Variants in GFM1 observed in about 807,000 individuals in gnomAD.
GFM1 encodes the protein G elongation factor mitochondrial 1.
Under a neutral mutation model 96.2 loss-of-function variants are expected in GFM1, and 62 were observed. The ratio of observed to expected loss-of-function variants is 0.64; its 90% CI spans 0.53 to 0.80. GFM1 has a LOEUF of 0.80. Among genes scored for constraint, GFM1 ranks in the 30% least tolerant of loss-of-function variants. The pLI is 0.00. For missense variants in GFM1, 852 were observed against 916.6 expected (o/e 0.93, Z 0.91); for synonymous variants, 282 against 312.9 (o/e 0.90, Z 1.04).
At position 158,691,139 on chromosome 3, in the gene GFM1, G is replaced by A. The variant is rs1560147295; in HGVS notation, c.2071G>A (p.Val691Ile). 1 of 1,606,990 alleles carries A rather than the reference G, an allele frequency of 6.2e-7. No individual in the cohort carries two copies. The highest frequency in any genetic ancestry group is 1.7e-5 in the Admixed American group (1 of 59,980). The change falls in exon 17 of 18, where the codon GTC becomes ATC. Residue 691 changes from valine to isoleucine, a missense_variant and splice_region_variant. By Grantham distance (29) the Val-to-Ile change is conservative. Coordinates refer to ENST00000486715, the MANE Select transcript of GFM1 (RefSeq NM_024996.7). ...AAATATCTACTATGTTTGTTTTCAG[G>A]TCCCTCTAAATGATATGTTTGGTTA... ...VEDYFTLYADVPLNDMFGYST... is the reference protein window; with the variant it reads ...VEDYFTLYADIPLNDMFGYST...
intron 13 of GFM1, among the ~76,000 whole-genome samples, chr3:158,667,896 A>G (rs1421129083): frequency 6.6e-6 from 1 of 152,242 alleles, no homozygotes; most frequent in Non-Finnish European, 1.5e-5. Context: ...TGTACAGTAG[A>G]GGGAAAAAAC....
At chr3:158,650,294 C>T (rs2108012200) in intron 5 of GFM1, 1 of 509,912 alleles carries the variant, frequency 2.0e-6, no homozygotes. Flanking sequence ...GTCCCAGCCC[C>T]TAGAACAACT....
Position 158,691,610 on chromosome 3 carries a change from C to T in GFM1, c.*143C>T, listed in dbSNP as rs1726329198. 4 of 817,144 alleles carry T rather than the reference C, an allele frequency of 4.9e-6. No homozygotes were observed. The highest frequency in any genetic ancestry group is 3.5e-5 in the African/African-American group (2 of 57,460). 50.6% of individuals were successfully genotyped at this position (817,144 alleles called of 1,614,324 possible). On this transcript the variant is annotated 3_prime_UTR_variant, in exon 18 of 18. Coordinates refer to ENST00000486715, the MANE Select transcript of GFM1 (RefSeq NM_024996.7). ...GGCTCTTCTTTCTTCAAAAGAAGCC[C>T]TTCTTGTTCATATTCAGGAGCTTCT...
intron 13 of GFM1, among the ~76,000 whole-genome samples, chr3:158,670,490 G>A (rs1406344100): frequency 6.6e-6 from 1 of 152,164 alleles, no homozygotes; most frequent in Non-Finnish European, 1.5e-5. Flanking sequence ...GAAGTGTATA[G>A]TCTTTTTTTG....
chr3:158,654,227 T>TTG (rs1722548680), intron 7 of GFM1, among the ~76,000 whole-genome samples: 1 of 146,120 alleles, frequency 6.8e-6, no homozygotes, highest in African/African-American at 2.5e-5. Flanking sequence ...TTTTTTTTTT[T>TTG]TTGTTGAGAC....
intron 13 of GFM1, among the ~76,000 whole-genome samples, chr3:158,681,187 T>C (rs899996466): frequency 6.6e-6 from 1 of 152,184 alleles, no homozygotes; most frequent in East Asian, 1.9e-4. Context: ...CAGTCATTAA[T>C]GTCTATTTTC....
intron 8 of GFM1, 42 bp from the exon 9 acceptor site, chr3:158,658,880 T>G: frequency 6.2e-7 from 1 of 1,609,224 alleles, no homozygotes. Context: ...ATTATTATGT[T>G]TCTTTTTATT....
chr3:158,686,397 T>TTA, intron 15 of GFM1, among the ~76,000 whole-genome samples: 1 of 147,428 alleles, frequency 6.8e-6, no homozygotes. Flanking sequence ...ATTTTATATA[T>TTA]AAAAAAATAA....
chr3:158,692,616 A>G lies in GFM1; in HGVS notation c.*1149A>G, dbSNP rs1726401143. The G allele has an allele frequency of 6.6e-6, 1 of 152,090 alleles. No homozygotes were observed. The allele number at this position is 152,090 out of a possible 1,614,324, so 9.4% of individuals were successfully genotyped here. ...CTTATAGACGTGGCTTTATACTTTA[A>G]GGTTTCTAGGGGAAAAAGATCTTTA... is the stretch of plus-strand genomic sequence containing the variant. On this transcript the variant is annotated 3_prime_UTR_variant, in exon 18 of 18. Transcript: ENST00000486715.
At chr3:158,655,770 T>C (rs1319938147) in intron 8 of GFM1, 2 of 448,570 alleles carry the variant, frequency 4.5e-6, no homozygotes, top group Non-Finnish European at 8.9e-6. Flanking sequence ...ATATTATTAT[T>C]AACTAAAATC....
intron 15 of GFM1, among the ~76,000 whole-genome samples, chr3:158,686,226 CAT>C (rs1264513091): frequency 6.9e-6 from 1 of 144,260 alleles, no homozygotes; most frequent in Non-Finnish European, 1.5e-5. Flanking sequence ...AGTATATATG[CAT>C]ATATATGTGT....
chr3:158,691,414 T>C lies in GFM1; in HGVS notation c.2203T>C (p.Tyr735His). The C allele has an allele frequency of 6.2e-7, 1 of 1,613,888 alleles. No individual in the cohort carries two copies. Among genetic ancestry groups the C allele is most frequent in the South Asian group, 1.1e-5 (1 of 91,080 alleles). Residue 735 changes from tyrosine (Y) to histidine (H), a missense_variant, in exon 18 of 18, where the codon TAT (tyrosine) becomes CAT (histidine). By Grantham distance (83) the Tyr-to-His change is moderately conservative. Coordinates refer to ENST00000486715, the MANE Select transcript of GFM1 (RefSeq NM_024996.7). The stretch of plus-strand genomic sequence containing the variant: ...CACACAAGAAGACGTCATTAATAAG[T>C]ATTTGGAAGCTACAGGTCAACTTCC... ...PSTQEDVINK[Y>H]LEATGQLPVK... is the part of the protein sequence containing the mutation.
chr3:158,689,747 C>CAAAA (rs202180927), intron 15 of GFM1, among the ~76,000 whole-genome samples: 1 of 92,264 alleles, frequency 1.1e-5, no homozygotes, highest in African/African-American at 3.8e-5. Context: ...GCTTGGGTGA[C>CAAAA]AAAAAAAAAA....
chr3:158,676,830 G>T (rs1724939736), intron 13 of GFM1, among the ~76,000 whole-genome samples: 1 of 151,820 alleles, frequency 6.6e-6, no homozygotes, highest in Non-Finnish European at 1.5e-5. Context: ...TTCCCGAGTA[G>T]CTAGGATTAC....
chr3:158,684,512 A>C lies in GFM1; in HGVS notation c.1765-12A>C, dbSNP rs749494927. 2 of 1,613,852 alleles carry C rather than the reference A, an allele frequency of 1.2e-6. No homozygotes were observed. Among genetic ancestry groups the C allele is most frequent in the African/African-American group, 2.7e-5 (2 of 74,912 alleles). On this transcript the variant is annotated splice_polypyrimidine_tract_variant and intron_variant, in intron 14 of 17. Transcript: ENST00000486715. ...TCCACTCACTCCAGAAGTTGTGTTC[A>C]TTCATTAACAGGGGTTTTTAGATGC... is the stretch of plus-strand genomic sequence containing the variant.
At chr3:158,676,100 C>G (rs1034617036) in intron 13 of GFM1, among the ~76,000 whole-genome samples, 5 of 152,136 alleles carry the variant, frequency 3.3e-5, no homozygotes, top group Non-Finnish European at 5.9e-5. Flanking sequence ...TGGCGAAGCC[C>G]TGTCTGTAAA....
intron 5 of GFM1, chr3:158,650,515 G>A (rs2108012718): frequency 6.2e-6 from 1 of 161,658 alleles, no homozygotes; most frequent in South Asian, 1.7e-4. Context: ...TACTGTATGT[G>A]TATTTGGAAA....
intron 13 of GFM1, chr3:158,672,439 C>G: frequency 6.2e-7 from 1 of 1,614,068 alleles, no homozygotes; most frequent in Non-Finnish European, 8.5e-7. Flanking sequence ...GCCACCAAGG[C>G]CGCCCTGGAG....
chr3:158,660,516 G>A (rs1723118123), intron 9 of GFM1: 1 of 266,782 alleles, frequency 3.7e-6, no homozygotes, highest in African/African-American at 2.3e-5. Context: ...CCAAAGTGCT[G>A]TGATTACAGG....
Sources: gnomAD v4.1 joint callset for allele counts (sites outside exome capture counted in the v4.1 genomes callset) on GRCh38, gnomAD v4.1.1 for gene constraint, MANE v1.5 for transcripts, NCBI Gene and HGNC (gene_info 2026-07-23, HGNC 2026-07-21) for gene names.